The following SNTG1 variants were observed in gnomAD, a reference collection of about 807,000 sequenced individuals.
SNTG1 encodes gamma-1-syntrophin.
A neutral mutation model predicts 74.7 loss-of-function variants in SNTG1; 39 were observed. The observed-to-expected ratio is 0.52, with a 90% CI of 0.40 to 0.68. The LOEUF (loss-of-function observed/expected upper bound fraction) is 0.68. SNTG1 is among the 30% of genes least tolerant of loss of function. SNTG1 has a pLI of 0.00. For synonymous variants in SNTG1, 254 were observed against 217.1 expected, an observed-to-expected ratio of 1.17 and a Z score of -1.49; for missense variants, 685 against 609.5, an observed-to-expected ratio of 1.12 and a Z score of -1.30.
At chr8:50,240,316 G>T (rs2086109707) in intron 2 of SNTG1, among the ~76,000 whole-genome samples, 1 of 152,168 alleles carries the variant, frequency 6.6e-6, no homozygotes, top group African/African-American at 2.4e-5. Context: ...TTTAATTTCA[G>T]CAGAAGGTGA....
chr8:50,439,328 AATT>A (rs2093336576), intron 5 of SNTG1, among the ~76,000 whole-genome samples: 1 of 152,110 alleles, frequency 6.6e-6, no homozygotes, highest in Non-Finnish European at 1.5e-5. Flanking sequence ...TTAACTTTAT[AATT>A]ATTGGGTTAG....
chr8:50,632,699 C>A (rs913050845), intron 13 of SNTG1, among the ~76,000 whole-genome samples: 2 of 152,138 alleles, frequency 1.3e-5, no homozygotes, highest in South Asian at 2.1e-4. Flanking sequence ...ACAAGTAAAT[C>A]ATGTATAGCT....
chr8:50,278,271 CATT>C (rs2088231495), intron 2 of SNTG1, among the ~76,000 whole-genome samples: 1 of 152,060 alleles, frequency 6.6e-6, no homozygotes, highest in South Asian at 2.1e-4. Flanking sequence ...AATTTTCTCT[CATT>C]GTTGAATATA....
rs1055811869 is a variant in SNTG1 at position 50,464,016 on chromosome 8, C to T, written c.363+13287C>T. On this transcript the variant is annotated intron_variant, in intron 8 of 18. Coordinates refer to ENST00000642720, the MANE Select transcript of SNTG1 (RefSeq NM_018967.5). Reference sequence around the variant, plus strand: ...ATGGAGATGGCTTCTTTCCTTAAACCTCATGAACCAACTTCTGCTAGCTTC... The same window carrying T: ...ATGGAGATGGCTTCTTTCCTTAAACTTCATGAACCAACTTCTGCTAGCTTC... Among the ~76,000 whole-genome samples the T allele has an allele frequency of 9.2e-5, 14 of 152,308 alleles. No individual in the cohort carries two copies. In the East Asian group the frequency reaches 2.5e-3, roughly 27 times the overall value.
At chr8:50,759,676 G>T (rs1402399661) in intron 18 of SNTG1, among the ~76,000 whole-genome samples, 1 of 151,190 alleles carries the variant, frequency 6.6e-6, no homozygotes, top group African/African-American at 2.4e-5. Flanking sequence ...TATATATATT[G>T]GTACCATTGG....
At chr8:50,116,565 C>T (rs908649619) in intron 1 of SNTG1, among the ~76,000 whole-genome samples, 7 of 152,166 alleles carry the variant, frequency 4.6e-5, no homozygotes, top group South Asian at 2.1e-4. Flanking sequence ...AATTCGTATT[C>T]GTTCATTTAT....
At chr8:50,222,893 C>A (rs1330962639) in intron 2 of SNTG1, among the ~76,000 whole-genome samples, 1 of 152,080 alleles carries the variant, frequency 6.6e-6, no homozygotes, top group African/African-American at 2.4e-5. Context: ...TGTAAAAACT[C>A]TTTTCAAATG....
At chr8:50,557,911 T>G (rs1241303125) in intron 12 of SNTG1, among the ~76,000 whole-genome samples, 19 of 152,210 alleles carry the variant, frequency 1.2e-4, no homozygotes, top group Non-Finnish European at 2.9e-5. Context: ...ACACGTGCAT[T>G]GCTTGGGGTG....
chr8:50,306,660 A>AT (rs147964805), intron 2 of SNTG1, among the ~76,000 whole-genome samples: 5,827 of 151,356 alleles, frequency 0.038, 149 homozygotes, highest in Middle Eastern at 0.082. Context: ...GATGTTGGCC[A>AT]TTTTTTCTTG....
intron 2 of SNTG1, among the ~76,000 whole-genome samples, chr8:50,199,105 C>A (rs892823439): frequency 2.6e-5 from 4 of 151,446 alleles, no homozygotes; most frequent in Non-Finnish European, 5.9e-5. Context: ...ATAGTTTCTT[C>A]TATTCTGTAA....
intron 1 of SNTG1, among the ~76,000 whole-genome samples, chr8:49,944,656 T>C (rs1306682448): frequency 1.3e-5 from 2 of 150,772 alleles, no homozygotes; most frequent in Non-Finnish European, 3.0e-5. Context: ...TGCAGCACAC[T>C]AGCATGGCAC....
intron 1 of SNTG1, among the ~76,000 whole-genome samples, chr8:50,163,096 T>C (rs1374941197): frequency 2.0e-5 from 3 of 152,168 alleles, no homozygotes; most frequent in African/African-American, 7.2e-5. Context: ...CCCAGTTCAC[T>C]CTTCAGAAGA....
chr8:50,234,355 G>A (rs999212674), intron 2 of SNTG1, among the ~76,000 whole-genome samples: 1 of 151,926 alleles, frequency 6.6e-6, no homozygotes, highest in Non-Finnish European at 1.5e-5. Context: ...ATGGCAAGCA[G>A]ATTAGTGGAT....
Position 50,675,331 on chromosome 8 carries a change from A to T in SNTG1, c.1038+16668A>T, listed in dbSNP as rs2095304991. ...TAGGTCTCTAAGAACTTGATTTATG[A>T]ATCTGGATGCTCCTCTATTGGGTGC... is the stretch of plus-strand genomic sequence containing the variant. On this transcript the variant is annotated intron_variant, in intron 15 of 18. Transcript: ENST00000642720. Among the ~76,000 whole-genome samples the T allele has an allele frequency of 3.9e-5, 6 of 152,188 alleles. No individual in the cohort carries two copies. In the South Asian group the frequency reaches 1.2e-3, roughly 32 times the overall value.
intron 1 of SNTG1, among the ~76,000 whole-genome samples, chr8:49,926,416 C>G (rs1807033558): frequency 1.3e-5 from 2 of 151,998 alleles, no homozygotes; most frequent in Admixed American, 6.5e-5. Flanking sequence ...CTATGCTGAA[C>G]TTCAAATGAT....
At chr8:50,344,300 C>T (rs528029349) in intron 2 of SNTG1, among the ~76,000 whole-genome samples, 453 of 152,152 alleles carry the variant, frequency 3.0e-3, no homozygotes, top group Non-Finnish European at 4.3e-3. Context: ...CTTAAAACAA[C>T]GAGAAGATTT....
At chr8:50,630,801 G>T (rs2094992124) in intron 13 of SNTG1, among the ~76,000 whole-genome samples, 1 of 152,192 alleles carries the variant, frequency 6.6e-6, no homozygotes, top group African/African-American at 2.4e-5. Context: ...CTGTCAAACA[G>T]CACTCTACTC....
At chr8:49,973,268 A>G (rs1421611875) in intron 1 of SNTG1, among the ~76,000 whole-genome samples, 1 of 152,084 alleles carries the variant, frequency 6.6e-6, no homozygotes, top group Non-Finnish European at 1.5e-5. Flanking sequence ...CAAGGACAAA[A>G]AACCAAACAC....
chr8:50,000,087 GT>G (rs1314248322), intron 1 of SNTG1, among the ~76,000 whole-genome samples: 1 of 152,102 alleles, frequency 6.6e-6, no homozygotes, highest in East Asian at 1.9e-4. Context: ...TTTAACTTTT[GT>G]TTTTCATTTA....
Sources: allele counts gnomAD v4.1 joint callset (sites outside exome capture counted in the v4.1 genomes callset), GRCh38; gene constraint gnomAD v4.1.1; transcripts MANE v1.5; gene names NCBI Gene and HGNC (gene_info 2026-07-23, HGNC 2026-07-21).